The following NOS1AP variants were observed in gnomAD, a reference collection of about 807,000 sequenced individuals.
NOS1AP encodes the protein carboxyl-terminal PDZ ligand of neuronal nitric oxide synthase protein.
In NOS1AP, 21 loss-of-function variants were observed where a neutral mutation model predicts 56.2. The observed-to-expected ratio is 0.37, with a 90% CI of 0.26 to 0.54. The LOEUF (loss-of-function observed/expected upper bound fraction) is 0.54. NOS1AP is among the 20% of genes least tolerant of loss of function. The probability of loss-of-function intolerance (pLI) is 0.84; values close to 1 mark genes in which losing one functional copy is unlikely to be tolerated. For missense variants in NOS1AP, 522 were observed against 657.8 expected, an observed-to-expected ratio of 0.79 and a Z score of 2.26; for synonymous variants, 270 against 274.6, an observed-to-expected ratio of 0.98 and a Z score of 0.17.
At chr1:162,210,218 G>A (rs1250392576) in intron 2 of NOS1AP, among the ~76,000 whole-genome samples, 1 of 152,060 alleles carries the variant, frequency 6.6e-6, no homozygotes, top group Non-Finnish European at 1.5e-5. Flanking sequence ...AGTAGGCTGA[G>A]GTGCAAGGGC....
At chr1:162,093,523 A>G (rs1692177003) in intron 1 of NOS1AP, among the ~76,000 whole-genome samples, 1 of 152,194 alleles carries the variant, frequency 6.6e-6, no homozygotes, top group Non-Finnish European at 1.5e-5. Context: ...CAGGCTACAT[A>G]CAGTTTAGTG....
At chr1:162,156,631 A>T (rs973278722) in intron 2 of NOS1AP, among the ~76,000 whole-genome samples, 1 of 152,082 alleles carries the variant, frequency 6.6e-6, no homozygotes, top group African/African-American at 2.4e-5. Flanking sequence ...TGACGAAGAG[A>T]TAGGGAATAT....
Position 162,287,430 on chromosome 1 carries a change from G to A in NOS1AP, c.264G>A (p.Lys88=). The A allele has an allele frequency of 6.2e-7, 1 of 1,608,992 alleles. No individual in the cohort carries two copies. The highest frequency in any genetic ancestry group is 8.5e-7 in the Non-Finnish European group (1 of 1,175,340). The part of the protein sequence containing the change: ...VDGVKVILKK[K]KKLLLLQKKE... Reference sequence around the variant, plus strand: ...GAGTGAAAGTGATTCTGAAGAAGAAGAAAAAGGTAAGTGGCTCTGAACCAG... The same window carrying A: ...GAGTGAAAGTGATTCTGAAGAAGAAAAAAAAGGTAAGTGGCTCTGAACCAG... Residue 88 remains lysine, a synonymous_variant, in exon 3 of 10, where the codon AAG becomes AAA. Transcript: ENST00000361897.
Position 162,367,499 on chromosome 1 carries a change from G to C in NOS1AP, c.*32G>C. The C allele has an allele frequency of 6.6e-7, 1 of 1,522,264 alleles. No individual in the cohort carries two copies. Among genetic ancestry groups the C allele is most frequent in the Non-Finnish European group, 8.8e-7 (1 of 1,134,126 alleles). 94.3% of individuals were successfully genotyped at this position (1,522,264 alleles called of 1,614,324 possible). A position where few individuals can be genotyped will look rare whatever the true frequency, so the allele number is the denominator to read the frequency against. On this transcript the variant is annotated 3_prime_UTR_variant, in exon 10 of 10. Transcript: ENST00000361897. The surrounding 1 kb of genome is among the most constrained non-coding windows in gnomAD (Gnocchi z 6.5). ...AGGGCGAGGAGATGGAGGCGGCGGC[G>C]TGGCTGGAGGGGCCGTGTCTGGCTG...
In NOS1AP at chr1:162,155,440, CATAT is replaced by C. The variant is rs141153683; in HGVS notation, c.177+978_177+981del. 5.5e-3 allele frequency among the ~76,000 whole-genome samples: 799 copies of C among 145,840 alleles called. 6 individuals are homozygous for C. The highest frequency in any genetic ancestry group is 0.018 in the African/African-American group (707 of 39,782). On this transcript the variant is annotated intron_variant, in intron 2 of 9. Coordinates refer to ENST00000361897, the MANE Select transcript of NOS1AP (RefSeq NM_014697.3). ...TAGAGCCTATATACATACATATATA[CATAT>C]ATATATATATATAGAGAGAGAGAGA...
At chr1:162,324,763 A>G (rs1017440311) in intron 4 of NOS1AP, among the ~76,000 whole-genome samples, 4 of 152,118 alleles carry the variant, frequency 2.6e-5, no homozygotes, top group Non-Finnish European at 4.4e-5. Flanking sequence ...ACATTTGTAT[A>G]ATTTTATTCA....
At chr1:162,208,806 C>T (rs749857897) in intron 2 of NOS1AP, among the ~76,000 whole-genome samples, 6 of 152,174 alleles carry the variant, frequency 3.9e-5, no homozygotes, top group South Asian at 2.1e-4. Flanking sequence ...TTTATACCGA[C>T]CGTAAAGTAG....
At chr1:162,098,141 C>G (rs1170750964) in intron 1 of NOS1AP, among the ~76,000 whole-genome samples, 1 of 110,968 alleles carries the variant, frequency 9.0e-6, no homozygotes, top group Admixed American at 1.3e-4. Flanking sequence ...GGATATTGCT[C>G]TGTCACCCAG....
intron 1 of NOS1AP, among the ~76,000 whole-genome samples, chr1:162,133,501 T>C (rs1648846747): frequency 6.6e-6 from 1 of 152,242 alleles, no homozygotes; most frequent in Non-Finnish European, 1.5e-5. Context: ...TGATATTTTA[T>C]GTGAACTAGA....
intron 6 of NOS1AP, among the ~76,000 whole-genome samples, chr1:162,347,191 G>C (rs998965323): frequency 6.6e-6 from 1 of 152,226 alleles, no homozygotes; most frequent in Non-Finnish European, 1.5e-5. Context: ...GCTAGCTGGA[G>C]AAGATTGAAG....
rs549484037 is a variant in NOS1AP at position 162,226,272 on chromosome 1, A to AAAAAG, written c.178-61048_178-61044dup. ...CCCACCATTAGACTCCAGCCTCCAA[A>AAAAAG]AAAAGAAAAGAAAAGAAAAGAAAAG... On this transcript the variant is annotated intron_variant, in intron 2 of 9. Transcript: ENST00000361897. Among the ~76,000 whole-genome samples, 79 of 152,244 alleles carry AAAAAG rather than the reference A, an allele frequency of 5.2e-4. No homozygotes were observed. In the South Asian group the frequency reaches 8.3e-3, roughly 16 times the overall value.
intron 6 of NOS1AP, among the ~76,000 whole-genome samples, chr1:162,351,733 C>T (rs560641116): frequency 6.6e-6 from 1 of 152,304 alleles, no homozygotes; most frequent in East Asian, 1.9e-4. Context: ...CCCTATGTCT[C>T]CCCCCGACCT....
chr1:162,302,141 G>A (rs928672694), intron 4 of NOS1AP, among the ~76,000 whole-genome samples: 2 of 152,240 alleles, frequency 1.3e-5, no homozygotes, highest in African/African-American at 4.8e-5. Context: ...TGAAATACTT[G>A]TTATAGTGTT....
At chr1:162,212,570 T>A (rs1247638152) in intron 2 of NOS1AP, among the ~76,000 whole-genome samples, 1 of 151,746 alleles carries the variant, frequency 6.6e-6, no homozygotes, top group African/African-American at 2.4e-5. Flanking sequence ...TGGTAATAGG[T>A]GTGTATGTTG....
intron 2 of NOS1AP, among the ~76,000 whole-genome samples, chr1:162,267,139 A>T (rs114602731): frequency 0.025 from 3,856 of 152,318 alleles, 69 homozygotes; most frequent in Non-Finnish European, 0.038. Flanking sequence ...AAAGAGAACC[A>T]TGTATGGTAG....
At chr1:162,273,392 C>G (rs1394406951) in intron 2 of NOS1AP, among the ~76,000 whole-genome samples, 2 of 152,172 alleles carry the variant, frequency 1.3e-5, no homozygotes, top group African/African-American at 4.8e-5. Context: ...GTCTCGATCT[C>G]CTGACCTCGT....
intron 1 of NOS1AP, among the ~76,000 whole-genome samples, chr1:162,085,544 T>C (rs1004208576): frequency 3.3e-5 from 5 of 152,192 alleles, no homozygotes; most frequent in African/African-American, 1.2e-4. Context: ...TTCACTAATA[T>C]CCACTTTCCT....
At chr1:162,154,537 T>A in intron 2 of NOS1AP, 61 bp downstream of exon 2, 1 of 1,556,088 alleles carries the variant, frequency 6.4e-7, no homozygotes, top group Non-Finnish European at 8.9e-7. Flanking sequence ...TGCTGGCCCT[T>A]CTAGGTAGGG....
At chr1:162,250,973 C>T (rs1312788840) in intron 2 of NOS1AP, among the ~76,000 whole-genome samples, 3 of 152,172 alleles carry the variant, frequency 2.0e-5, no homozygotes, top group Non-Finnish European at 4.4e-5. Context: ...TAAAGGCACA[C>T]CTTATCATAG....
Sources: allele counts gnomAD v4.1 joint callset (sites outside exome capture counted in the v4.1 genomes callset), GRCh38; gene constraint gnomAD v4.1.1; non-coding constraint Gnocchi (gnomAD v3.1); transcripts MANE v1.5; gene names NCBI Gene and HGNC (gene_info 2026-07-23, HGNC 2026-07-21).